The following DYNC1LI2 variants were observed in gnomAD, a reference collection of about 807,000 sequenced individuals.
DYNC1LI2 encodes the protein dynein cytoplasmic 1 light intermediate chain 2.
Under a neutral mutation model 57.8 loss-of-function variants are expected in DYNC1LI2, and 19 were observed. That is an observed-to-expected ratio of 0.33 (90% CI 0.23 to 0.48). The LOEUF is 0.48. DYNC1LI2 is among the 20% of genes least tolerant of loss of function. DYNC1LI2 has a pLI of 0.99. For synonymous variants in DYNC1LI2, 256 were observed against 233.4 expected, an observed-to-expected ratio of 1.10 and a Z score of -0.88; for missense variants, 470 against 604.2, an observed-to-expected ratio of 0.78 and a Z score of 2.33.
chr16:66,730,089 T>G, intron 8 of DYNC1LI2, 23 bp downstream of exon 8: 1 of 1,609,208 alleles, frequency 6.2e-7, no homozygotes, highest in Non-Finnish European at 8.5e-7. Context: ...CCCTAAACCC[T>G]TAAAGCAATT....
At chr16:66,747,727 G>A (rs983614816) in intron 3 of DYNC1LI2, among the ~76,000 whole-genome samples, 2 of 151,686 alleles carry the variant, frequency 1.3e-5, no homozygotes, top group African/African-American at 2.4e-5. Context: ...GCACCACCAC[G>A]CCTGGCTAAT....
At chr16:66,724,887 T>C (rs925814922) in intron 12 of DYNC1LI2, 1 of 152,092 alleles carries the variant, frequency 6.6e-6, no homozygotes, top group Non-Finnish European at 1.5e-5. Flanking sequence ...AGTATAATTT[T>C]AAAAAATTAA....
intron 4 of DYNC1LI2, 108 bp from the exon 5 acceptor site, chr16:66,736,352 G>C: frequency 7.5e-7 from 1 of 1,335,854 alleles, no homozygotes; most frequent in Non-Finnish European, 1.0e-6. Flanking sequence ...AGGCAGTTGT[G>C]TGTGACAAAC....
rs779706066 is a variant in DYNC1LI2, at chr16:66,751,452, C to T, written c.107+33G>A. 2.0e-5 allele frequency: 31 copies of T among 1,580,130 alleles called. No homozygotes were observed. Among genetic ancestry groups the T allele is most frequent in the Non-Finnish European group, 2.5e-5 (29 of 1,167,080 alleles). On this transcript the variant is annotated intron_variant, in intron 1 of 12. Transcript: ENST00000258198. This position sits in a 1 kb window ranked among gnomAD's most constrained non-coding sequence, Gnocchi z 5.2. ...ACGGTCCGGCCCAGAGGCCGCGCCC[C>T]CCACGGCCCGGCCCGACCGCCCGCG...
chr16:66,746,459 A>G (rs892924430), intron 3 of DYNC1LI2, among the ~76,000 whole-genome samples: 1 of 152,234 alleles, frequency 6.6e-6, no homozygotes, highest in Non-Finnish European at 1.5e-5. Context: ...TTAACAACAG[A>G]TAAGGGCAAT....
chr16:66,729,494 A>G (rs1464859130), intron 8 of DYNC1LI2, among the ~76,000 whole-genome samples: 1 of 152,030 alleles, frequency 6.6e-6, no homozygotes. Context: ...TTTAAAGATC[A>G]ACAAAAAGGC....
chr16:66,747,889 G>A (rs1253024574), intron 3 of DYNC1LI2, among the ~76,000 whole-genome samples: 1 of 152,078 alleles, frequency 6.6e-6, no homozygotes, highest in African/African-American at 2.4e-5. Context: ...GTAATTTAGT[G>A]AATACACTTC....
chr16:66,748,305 A>AAAAAAAAAAAAAAAAAAAT (rs1441454828), intron 3 of DYNC1LI2, among the ~76,000 whole-genome samples: 1 of 137,342 alleles, frequency 7.3e-6, no homozygotes, highest in African/African-American at 2.8e-5. Flanking sequence ...AAAAAAAAAA[A>AAAAAAAAAAAAAAAAAAAT]CTAACATAAA....
chr16:66,744,211 C>T (rs1264683643), intron 3 of DYNC1LI2, among the ~76,000 whole-genome samples: 1 of 152,062 alleles, frequency 6.6e-6, no homozygotes, highest in African/African-American at 2.4e-5. Flanking sequence ...GCCACCATGC[C>T]CAGCTAATTT....
rs755028987 is a variant in DYNC1LI2, at chr16:66,730,072, C to T, written c.1041+40G>A. ...CTGGGATTACAGGCATCAGCCACCG[C>T]GCCCGGCCCTAAACCCTTAAAGCAA... On this transcript the variant is annotated intron_variant, in intron 8 of 12. Transcript: ENST00000258198. 1.7e-5 allele frequency: 27 copies of T among 1,574,462 alleles called. No homozygotes were observed. In the African/African-American group the frequency reaches 2.0e-4, roughly 12 times the overall value.
At chr16:66,747,812 C>G (rs1209263573) in intron 3 of DYNC1LI2, among the ~76,000 whole-genome samples, 1 of 151,868 alleles carries the variant, frequency 6.6e-6, no homozygotes, top group Non-Finnish European at 1.5e-5. Context: ...CCCAAGTGAT[C>G]CACCCGCCTC....
intron 2 of DYNC1LI2, among the ~76,000 whole-genome samples, chr16:66,750,502 G>A (rs1032601281): frequency 6.6e-6 from 1 of 152,148 alleles, no homozygotes; most frequent in Non-Finnish European, 1.5e-5. Flanking sequence ...CCTGCATACT[G>A]ACACTTTTCT....
intron 3 of DYNC1LI2, among the ~76,000 whole-genome samples, chr16:66,743,454 G>C (rs952220778): frequency 8.0e-5 from 12 of 150,132 alleles, no homozygotes; most frequent in African/African-American, 2.9e-4. Context: ...CCAGCTACTT[G>C]GGAGGCTGAG....
chr16:66,749,372 G>T, intron 2 of DYNC1LI2, 59 bp from the exon 3 acceptor site: 1 of 1,490,188 alleles, frequency 6.7e-7, no homozygotes, highest in Non-Finnish European at 9.3e-7. Context: ...GGATGGGGAG[G>T]CATGACACTC....
chr16:66,728,743 G>A (rs74024012), intron 9 of DYNC1LI2, among the ~76,000 whole-genome samples: 37 of 152,318 alleles, frequency 2.4e-4, no homozygotes, highest in African/African-American at 8.2e-4. Flanking sequence ...TTGGTTAACT[G>A]TCAACATAGG....
intron 3 of DYNC1LI2, among the ~76,000 whole-genome samples, chr16:66,744,133 A>G (rs2017893862): frequency 1.3e-5 from 2 of 151,130 alleles, no homozygotes; most frequent in African/African-American, 4.9e-5. Context: ...TGGCAACTGC[A>G]GTCTCGATTT....
chr16:66,734,066 G>T, intron 6 of DYNC1LI2, 152 bp downstream of exon 6: 1 of 616,494 alleles, frequency 1.6e-6, no homozygotes. Context: ...CTAAAACTCC[G>T]ATACAGTAAA....
At chr16:66,745,697 A>G (rs527343509) in intron 3 of DYNC1LI2, among the ~76,000 whole-genome samples, 3 of 151,860 alleles carry the variant, frequency 2.0e-5, no homozygotes, top group African/African-American at 7.2e-5. Flanking sequence ...TGAGCTCAAG[A>G]GTTCAGGACC....
intron 7 of DYNC1LI2, chr16:66,731,036 T>TAG (rs1485037782): frequency 6.6e-6 from 1 of 152,210 alleles, no homozygotes; most frequent in African/African-American, 2.4e-5. Flanking sequence ...AGAGGGTGCT[T>TAG]AGCCAGGGTG....
Sources: gnomAD v4.1 joint callset for allele counts (sites outside exome capture counted in the v4.1 genomes callset) on GRCh38, gnomAD v4.1.1 for gene constraint, Gnocchi (gnomAD v3.1) non-coding constraint, MANE v1.5 for transcripts, NCBI Gene and HGNC (gene_info 2026-07-23, HGNC 2026-07-21) for gene names.